The following C16orf89 variants were observed in gnomAD, a reference collection of about 807,000 sequenced individuals.
C16orf89 encodes UPF0764 protein C16orf89.
Under a neutral mutation model 41.5 loss-of-function variants are expected in C16orf89, and 57 were observed. The observed-to-expected ratio is 1.38, with a 90% CI of 1.11 to 1.71. C16orf89 has a LOEUF of 1.71. Among genes scored for constraint, C16orf89 ranks in the 40% most tolerant of loss-of-function variants. The probability of loss-of-function intolerance (pLI) is 0.00; values close to 1 mark genes in which losing one functional copy is unlikely to be tolerated. For synonymous variants in C16orf89, 223 were observed against 190.6 expected, an observed-to-expected ratio of 1.17 and a Z score of -1.40; for missense variants, 575 against 445.9, an observed-to-expected ratio of 1.29 and a Z score of -2.61.
rs542841048 is a variant in C16orf89 at position 5,047,927 on chromosome 16, A to T, written c.906T>A (p.Tyr302Ter). Residue 302 changes from tyrosine (Y) to a stop codon, truncating the protein, a stop_gained, in exon 7 of 8, where the codon TAT (tyrosine) becomes TAA (stop). Coordinates refer to ENST00000472572, the MANE Select transcript of C16orf89 (RefSeq NM_001098514.3). LOFTEE classifies it low-confidence loss of function (END_TRUNC). ...EDEELSKAIQ[Y>*]QQHFSRRVKR... ...TCACTCTCCTCGAAAAATGCTGCTG[A>T]TATTGAATAGCTTTAGATAATTCTT... is the stretch of plus-strand genomic sequence containing the variant. 4.8e-5 allele frequency: 77 copies of T among 1,604,454 alleles called. No individual in the cohort carries two copies. In the South Asian group the frequency reaches 7.9e-4, roughly 16 times the overall value.
intron 7 of C16orf89, among the ~76,000 whole-genome samples, chr16:5,047,615 G>A (rs914755015): frequency 6.6e-6 from 1 of 152,026 alleles, no homozygotes; most frequent in Admixed American, 6.6e-5. Context: ...CTACAGGCGT[G>A]TGCCACCATG....
chr16:5,061,464 GAC>G (rs1956621666), intron 2 of C16orf89, among the ~76,000 whole-genome samples: 1 of 35,242 alleles, frequency 2.8e-5, no homozygotes, highest in African/African-American at 1.1e-4. Context: ...AAAAAAGAGA[GAC>G]AGAGTGAGAC....
intron 1 of C16orf89, among the ~76,000 whole-genome samples, chr16:5,064,697 G>A (rs1005636707): frequency 8.5e-5 from 13 of 152,188 alleles, no homozygotes; most frequent in Non-Finnish European, 8.8e-5. Context: ...AATCTGTTAT[G>A]GAGCAAGATT....
intron 1 of C16orf89, 147 bp downstream of exon 1, chr16:5,065,554 A>G: frequency 1.0e-6 from 1 of 959,398 alleles, no homozygotes; most frequent in Non-Finnish European, 1.5e-6. Flanking sequence ...AGGAAGATCC[A>G]GCCCCTGGCC....
chr16:5,044,831 G>A (rs1186996971), intron 7 of C16orf89: 7 of 1,241,108 alleles, frequency 5.6e-6, no homozygotes, highest in Non-Finnish European at 7.2e-6. Context: ...GCAACAGAGC[G>A]AGAATCTGTC....
At chr16:5,055,219 C>T in intron 6 of C16orf89, 27 bp downstream of exon 6, 18 of 1,552,438 alleles carry the variant, frequency 1.2e-5, no homozygotes, top group Non-Finnish European at 1.6e-5. Context: ...TGCCCCCCTT[C>T]TTAGCCAGGG....
At chr16:5,062,329 C>G (rs1226913558) in intron 2 of C16orf89, 96 bp downstream of exon 2, 1 of 1,421,882 alleles carries the variant, frequency 7.0e-7, no homozygotes, top group Non-Finnish European at 9.4e-7. Flanking sequence ...CTGTCCCAGC[C>G]CAGCCTTGCC....
chr16:5,050,385 C>A (rs188893285), intron 6 of C16orf89, among the ~76,000 whole-genome samples: 1 of 151,044 alleles, frequency 6.6e-6, no homozygotes, highest in Non-Finnish European at 1.5e-5. Flanking sequence ...AAAAAGAAAA[C>A]CTAGTGGAAA....
chr16:5,044,246 A>G lies in C16orf89; in HGVS notation c.*102T>C. 2 of 1,458,812 alleles carry G rather than the reference A, an allele frequency of 1.4e-6. No individual in the cohort carries two copies. Among genetic ancestry groups the G allele is most frequent in the Non-Finnish European group, 1.8e-6 (2 of 1,110,216 alleles). The allele number at this position is 1,458,812 out of a possible 1,614,324, so 90.4% of individuals were successfully genotyped here. A position where few individuals can be genotyped will look rare whatever the true frequency, so the allele number is the denominator to read the frequency against. ...CGGGGTGGCTTTGCTTATCCTCCAG[A>G]TGCCTTCTTCCCAGGATGTGATCCG... On this transcript the variant is annotated 3_prime_UTR_variant, in exon 8 of 8. Coordinates refer to ENST00000472572, the MANE Select transcript of C16orf89 (RefSeq NM_001098514.3).
At chr16:5,063,709 A>G (rs1269018435) in intron 1 of C16orf89, among the ~76,000 whole-genome samples, 1 of 152,152 alleles carries the variant, frequency 6.6e-6, no homozygotes, top group Admixed American at 6.5e-5. Flanking sequence ...ATGCCCGATG[A>G]TCTGAGACCG....
intron 7 of C16orf89, among the ~76,000 whole-genome samples, chr16:5,046,400 G>T (rs546939008): frequency 5.3e-5 from 8 of 152,050 alleles, no homozygotes; most frequent in African/African-American, 1.9e-4. Context: ...CACCCAGGCT[G>T]GAGTGCAGTG....
intron 1 of C16orf89, 123 bp from the exon 2 acceptor site, chr16:5,062,697 C>T (rs1392918018): frequency 9.1e-7 from 1 of 1,104,148 alleles, no homozygotes; most frequent in East Asian, 2.7e-5. Flanking sequence ...CCTTCTCCAG[C>T]ACTCAGAGGG....
intron 5 of C16orf89, chr16:5,055,567 C>T (rs1956481088): frequency 6.8e-6 from 8 of 1,180,462 alleles, no homozygotes; most frequent in Non-Finnish European, 9.4e-6. Flanking sequence ...GGGCCTTGGT[C>T]AGGGCTGCTC....
At chr16:5,064,180 T>G (rs966894471) in intron 1 of C16orf89, among the ~76,000 whole-genome samples, 1 of 151,978 alleles carries the variant, frequency 6.6e-6, no homozygotes, top group Non-Finnish European at 1.5e-5. Context: ...CACAATAAAT[T>G]TAATGCACGT....
chr16:5,061,264 G>GAA (rs60439270), intron 2 of C16orf89, among the ~76,000 whole-genome samples: 7,601 of 57,778 alleles, frequency 0.13, 835 homozygotes, highest in Non-Finnish European at 0.17. Flanking sequence ...TCCATCTCAA[G>GAA]AAAAAAAAAA....
At chr16:5,044,645 C>T (rs1390429355) in intron 7 of C16orf89, 167 bp from the exon 8 acceptor site, 1 of 1,317,738 alleles carries the variant, frequency 7.6e-7, no homozygotes, top group African/African-American at 1.5e-5. Context: ...AGTTCGAGAC[C>T]AGCATGAGCA....
chr16:5,062,887 G>T (rs1210571993), intron 1 of C16orf89, among the ~76,000 whole-genome samples: 1 of 152,196 alleles, frequency 6.6e-6, no homozygotes, highest in Non-Finnish European at 1.5e-5. Context: ...ATACTTTCTT[G>T]TTGGATGGCC....
intron 4 of C16orf89, 144 bp downstream of exon 4, chr16:5,058,349 T>A (rs1956550749): frequency 1.6e-6 from 1 of 634,070 alleles, no homozygotes; most frequent in African/African-American, 1.9e-5. Context: ...GCCCAGCTGG[T>A]TTTGAACTCC....
At chr16:5,062,305 A>G in intron 2 of C16orf89, 120 bp downstream of exon 2, 1 of 1,265,366 alleles carries the variant, frequency 7.9e-7, no homozygotes, top group Non-Finnish European at 1.0e-6. Flanking sequence ...AGACAGGTCC[A>G]AGTTGGTTAC....
Sources: allele counts gnomAD v4.1 joint callset (sites outside exome capture counted in the v4.1 genomes callset), GRCh38; gene constraint gnomAD v4.1.1; transcripts MANE v1.5; gene names NCBI Gene and HGNC (gene_info 2026-07-23, HGNC 2026-07-21).